Variants in CRTAC1 observed in about 807,000 individuals in gnomAD.
CRTAC1 encodes cartilage acidic protein 1, also known as acidic secreted protein in cartilage.
A neutral mutation model predicts 67.8 loss-of-function variants in CRTAC1; 37 were observed. That is an observed-to-expected ratio of 0.55 (90% CI 0.42 to 0.72). The LOEUF is 0.72. Ranked by LOEUF, CRTAC1 falls within the 30% of genes least tolerant of loss-of-function variation. CRTAC1 has a pLI of 0.00. For synonymous variants in CRTAC1, 348 were observed against 371.0 expected (o/e 0.94, Z 0.71); for missense variants, 780 against 931.6 (o/e 0.84, Z 2.12).
rs147535787 is a variant in CRTAC1, at chr10:97,916,155, C to A, written c.715+1345G>T. On this transcript the variant is annotated intron_variant, in intron 5 of 14. Coordinates refer to ENST00000370597, the MANE Select transcript of CRTAC1 (RefSeq NM_018058.7). ...TGTCATTTTCAAGTGCTTCATCCCC[C>A]CAGTGCACCCCCCTTCCCTTGCAAG... Among the ~76,000 whole-genome samples the A allele has an allele frequency of 2.9e-3, 445 of 151,402 alleles. 3 individuals carry two copies. The highest frequency in any genetic ancestry group is 0.01 in the African/African-American group (429 of 41,278).
chr10:97,905,187 CTT>C (rs1247004473), intron 6 of CRTAC1, among the ~76,000 whole-genome samples: 2 of 152,148 alleles, frequency 1.3e-5, no homozygotes, highest in Non-Finnish European at 2.9e-5. Context: ...TCATGCCACT[CTT>C]TTGCTTAAGC....
At chr10:97,936,476 T>G in intron 2 of CRTAC1, 110 bp from the exon 3 acceptor site, 1 of 833,216 alleles carries the variant, frequency 1.2e-6, no homozygotes, top group Non-Finnish European at 1.9e-6. Flanking sequence ...ATGGGGCAAG[T>G]CAGACCTGGA....
chr10:97,908,161 C>T lies in CRTAC1; in HGVS notation c.716-14G>A, dbSNP rs1036480482. ...CGCCTCGGCCCCCTAGAAAAGACATCGACCCACAGTGAGTGGCAGAAGCAA... is the reference window on the plus strand; with the variant it reads ...CGCCTCGGCCCCCTAGAAAAGACATTGACCCACAGTGAGTGGCAGAAGCAA... On this transcript the variant is annotated splice_polypyrimidine_tract_variant and intron_variant, in intron 5 of 14. Coordinates refer to ENST00000370597, the MANE Select transcript of CRTAC1 (RefSeq NM_018058.7). 6.8e-6 allele frequency: 11 copies of T among 1,613,394 alleles called. No individual in the cohort carries two copies. The highest frequency in any genetic ancestry group is 6.7e-5 in the African/African-American group (5 of 74,920).
intron 2 of CRTAC1, among the ~76,000 whole-genome samples, chr10:97,956,039 G>T (rs554319440): frequency 6.6e-6 from 1 of 152,192 alleles, no homozygotes; most frequent in Non-Finnish European, 1.5e-5. Context: ...GGCCACGTAA[G>T]AGGCAAAGGG....
At chr10:97,969,193 C>G in intron 2 of CRTAC1, among the ~76,000 whole-genome samples, 1 of 152,222 alleles carries the variant, frequency 6.6e-6, no homozygotes, top group Non-Finnish European at 1.5e-5. Context: ...ACCATCCCAG[C>G]TCCAATCCAA....
chr10:98,005,871 T>C (rs1564932190), intron 2 of CRTAC1, among the ~76,000 whole-genome samples: 1 of 152,186 alleles, frequency 6.6e-6, no homozygotes, highest in African/African-American at 2.4e-5. Flanking sequence ...TTAACTTTAG[T>C]AAATTAAAAA....
At chr10:97,998,387 C>T (rs1179980669) in intron 2 of CRTAC1, among the ~76,000 whole-genome samples, 4 of 151,982 alleles carry the variant, frequency 2.6e-5, no homozygotes, top group Non-Finnish European at 5.9e-5. Context: ...GATCCATATA[C>T]ACGATAGTAA....
At chr10:97,918,052 A>C (rs2050785015) in intron 4 of CRTAC1, among the ~76,000 whole-genome samples, 1 of 151,872 alleles carries the variant, frequency 6.6e-6, no homozygotes. Context: ...ACCAATTCCC[A>C]TTATTCTCAG....
intron 3 of CRTAC1, among the ~76,000 whole-genome samples, chr10:97,925,583 T>G: frequency 8.2e-6 from 1 of 121,626 alleles, no homozygotes; most frequent in Admixed American, 8.6e-5. Context: ...AGTGTGAGAG[T>G]GGGGATGAGA....
intron 7 of CRTAC1, among the ~76,000 whole-genome samples, chr10:97,903,221 G>A (rs1447753490): frequency 6.8e-6 from 1 of 146,774 alleles, no homozygotes; most frequent in East Asian, 2.0e-4. Flanking sequence ...CTTTGTTGTG[G>A]GGCTGCTTTG....
intron 8 of CRTAC1, among the ~76,000 whole-genome samples, chr10:97,900,524 T>A: frequency 7.1e-6 from 1 of 140,590 alleles, no homozygotes; most frequent in East Asian, 2.1e-4. Flanking sequence ...CCCCTTTTCC[T>A]GGTAGTGATT....
intron 2 of CRTAC1, among the ~76,000 whole-genome samples, chr10:98,010,033 T>C (rs1842875539): frequency 2.6e-5 from 4 of 151,660 alleles, no homozygotes; most frequent in African/African-American, 9.7e-5. Context: ...TAGTGCTCAA[T>C]GCACAATCTT....
chr10:97,925,936 G>A (rs995065606), intron 3 of CRTAC1, among the ~76,000 whole-genome samples: 4 of 152,212 alleles, frequency 2.6e-5, no homozygotes. Context: ...GGGGCCTCAC[G>A]TTGGGACCCC....
intron 2 of CRTAC1, among the ~76,000 whole-genome samples, chr10:97,991,490 C>A (rs2477673): frequency 6.6e-6 from 1 of 151,184 alleles, no homozygotes; most frequent in Admixed American, 6.6e-5. Context: ...TTTATCCCCC[C>A]GATAAAAAGA....
chr10:97,938,741 C>T (rs2051127663), intron 2 of CRTAC1, among the ~76,000 whole-genome samples: 1 of 152,212 alleles, frequency 6.6e-6, no homozygotes, highest in South Asian at 2.1e-4. Flanking sequence ...CTTTCTCATC[C>T]TTGGGCTCAT....
chr10:98,026,482 G>C (rs1037676445), intron 1 of CRTAC1, among the ~76,000 whole-genome samples: 4 of 152,144 alleles, frequency 2.6e-5, no homozygotes, highest in African/African-American at 9.7e-5. Context: ...TATTCCTCTG[G>C]TCTTATCCAG....
At chr10:97,983,955 A>G (rs544366472) in intron 2 of CRTAC1, among the ~76,000 whole-genome samples, 2 of 152,260 alleles carry the variant, frequency 1.3e-5, no homozygotes, top group South Asian at 2.1e-4. Context: ...AGAAGCAAGG[A>G]AACATGATGC....
At chr10:97,945,263 G>A (rs1200348087) in intron 2 of CRTAC1, among the ~76,000 whole-genome samples, 1 of 152,168 alleles carries the variant, frequency 6.6e-6, no homozygotes, top group Non-Finnish European at 1.5e-5. Flanking sequence ...GAAGGTCTGT[G>A]CAGAGCCCGA....
intron 11 of CRTAC1, among the ~76,000 whole-genome samples, chr10:97,893,163 T>G (rs944350610): frequency 6.6e-6 from 1 of 152,204 alleles, no homozygotes; most frequent in Non-Finnish European, 1.5e-5. Flanking sequence ...AGTGAAGTGC[T>G]TGGCACTGTG....
Sources: allele counts gnomAD v4.1 joint callset (sites outside exome capture counted in the v4.1 genomes callset), GRCh38; gene constraint gnomAD v4.1.1; transcripts MANE v1.5; gene names NCBI Gene and HGNC (gene_info 2026-07-23, HGNC 2026-07-21).